JMJD1C: variants seen among roughly 807,000 people sequenced by gnomAD.
The protein encoded by JMJD1C is jumonji domain containing 1C.
JMJD1C carries 31 observed loss-of-function variants against 245.3 expected under a neutral mutation model. The observed-to-expected ratio is 0.13, with a 90% confidence interval of 0.09 to 0.17. The LOEUF (loss-of-function observed/expected upper bound fraction) is 0.17. JMJD1C is among the 10% of genes least tolerant of loss of function. JMJD1C has a pLI of 1.00. For synonymous variants in JMJD1C, 1,057 were observed against 1,017.4 expected (o/e 1.04, Z -0.74); for missense variants, 2,691 against 3,000.2 (o/e 0.90, Z 2.41).
At position 63,189,467 on chromosome 10, in the gene JMJD1C, C is replaced by CA. The variant is rs762867188; in HGVS notation, c.6292-22dup. 2.6e-4 allele frequency: 406 copies of CA among 1,564,606 alleles called. 1 individual carries two copies. Among genetic ancestry groups the CA allele is most frequent in the Non-Finnish European group, 3.2e-4 (373 of 1,162,452 alleles). On this transcript the variant is annotated intron_variant, in intron 17 of 25. Coordinates refer to ENST00000399262, the MANE Select transcript of JMJD1C (RefSeq NM_032776.3). Reference sequence around the variant, plus strand: ...CTACTCTATTAAGGAAAAAACAAAACAAAAAAAACCTGTTTTTGAGAGAAA... The same window carrying CA: ...CTACTCTATTAAGGAAAAAACAAAACAAAAAAAAACCTGTTTTTGAGAGAAA...
rs201686311 is a variant in JMJD1C, at chr10:63,207,172, G to A, written c.4497C>T (p.Ala1499=). 1.4e-4 allele frequency: 226 copies of A among 1,613,968 alleles called. No individual in the cohort carries two copies. The highest frequency in any genetic ancestry group is 8.6e-5 in the Non-Finnish European group (101 of 1,179,988). The change falls in exon 10 of 26, where the codon GCC becomes GCT. Residue 1499 remains alanine, a synonymous_variant. Coordinates refer to ENST00000399262, the MANE Select transcript of JMJD1C (RefSeq NM_032776.3). Reference sequence around the variant, plus strand: ...TTATAGCATTAGGTTCAGTCTCACTGGCATTACTACTTTTATACTGAGCTG... The same window carrying A: ...TTATAGCATTAGGTTCAGTCTCACTAGCATTACTACTTTTATACTGAGCTG... ...LAAAQYKSSN[A]SETEPNAIKN... is the part of the protein sequence containing the mutation.
At chr10:63,472,842 G>T (rs1953534937) in intron 1 of JMJD1C, among the ~76,000 whole-genome samples, 1 of 151,862 alleles carries the variant, frequency 6.6e-6, no homozygotes, top group African/African-American at 2.4e-5. Context: ...GGAGTGCAGT[G>T]GCGCGATCAT....
chr10:63,181,948 G>A (rs1386754543), intron 22 of JMJD1C, among the ~76,000 whole-genome samples: 1 of 152,174 alleles, frequency 6.6e-6, no homozygotes, highest in East Asian at 1.9e-4. Flanking sequence ...CTGGGGGATA[G>A]GGGTGGTTAC....
intron 1 of JMJD1C, among the ~76,000 whole-genome samples, chr10:63,439,799 G>A (rs1951262537): frequency 6.6e-6 from 1 of 152,102 alleles, no homozygotes; most frequent in Admixed American, 6.5e-5. Context: ...TCACTTCACT[G>A]ACATATATAC....
At chr10:63,316,539 C>G (rs188137029) in intron 2 of JMJD1C, among the ~76,000 whole-genome samples, 1 of 152,088 alleles carries the variant, frequency 6.6e-6, no homozygotes, top group Non-Finnish European at 1.5e-5. Flanking sequence ...CTTCCGCCTC[C>G]TGTGTTCAAG....
chr10:63,459,651 A>G (rs1952648723), intron 1 of JMJD1C, among the ~76,000 whole-genome samples: 1 of 152,236 alleles, frequency 6.6e-6, no homozygotes, highest in Non-Finnish European at 1.5e-5. Flanking sequence ...TTATACAAAA[A>G]TCAGTATGAC....
At chr10:63,190,859 G>T in intron 17 of JMJD1C, 35 bp downstream of exon 17, 1 of 1,532,142 alleles carries the variant, frequency 6.5e-7, no homozygotes, top group Non-Finnish European at 9.0e-7. Flanking sequence ...TCTATTTAAG[G>T]CCCACATTAA....
chr10:63,303,950 G>A (rs1168254389), intron 2 of JMJD1C, among the ~76,000 whole-genome samples: 1 of 152,068 alleles, frequency 6.6e-6, no homozygotes, highest in Non-Finnish European at 1.5e-5. Flanking sequence ...AGTTTCAGAA[G>A]GAATAGTAAG....
chr10:63,448,275 GCCT>G (rs1250262569), intron 1 of JMJD1C, among the ~76,000 whole-genome samples: 6 of 152,034 alleles, frequency 3.9e-5, no homozygotes, highest in African/African-American at 1.5e-4. Flanking sequence ...TCTTGCCTCA[GCCT>G]CTCAAGTAGC....
At chr10:63,432,447 T>C (rs1950814484) in intron 1 of JMJD1C, among the ~76,000 whole-genome samples, 1 of 152,134 alleles carries the variant, frequency 6.6e-6, no homozygotes, top group African/African-American at 2.4e-5. Context: ...CCATTGTGTG[T>C]GTGTGACACT....
At chr10:63,467,104 G>A (rs2133135558), upstream of JMJD1C, among the ~76,000 whole-genome samples, 1 of 152,232 alleles carries the variant, frequency 6.6e-6, no homozygotes, top group Middle Eastern at 3.4e-3. Context: ...CTCAAGCTGG[G>A]CAATTTGAAG....
At chr10:63,333,372 G>A (rs1358623501) in intron 2 of JMJD1C, among the ~76,000 whole-genome samples, 1 of 152,014 alleles carries the variant, frequency 6.6e-6, no homozygotes, top group African/African-American at 2.4e-5. Context: ...TCAGGCAACA[G>A]GGCGCAACCT....
chr10:63,246,756 C>A (rs1387945584), intron 3 of JMJD1C, among the ~76,000 whole-genome samples: 2 of 151,956 alleles, frequency 1.3e-5, no homozygotes, highest in African/African-American at 4.8e-5. Flanking sequence ...TCTTTTCTGA[C>A]CACAACAGAA....
chr10:63,426,656 G>A (rs890389164), intron 1 of JMJD1C, among the ~76,000 whole-genome samples: 3 of 151,550 alleles, frequency 2.0e-5, no homozygotes, highest in African/African-American at 7.2e-5. Flanking sequence ...GGGAGACTCC[G>A]TCTCAAAAAA....
In JMJD1C at chr10:63,478,729, C is replaced by G. The variant is rs753115231; in HGVS notation, n.113+43009G>C. Among the ~76,000 whole-genome samples, 13 of 152,218 alleles carry G rather than the reference C, an allele frequency of 8.5e-5. No individual in the cohort carries two copies. In the Middle Eastern group the frequency reaches 0.014, roughly 159 times the overall value. ...ACAACATGCAGGAAATACTGGCAAC[C>G]GGGAAGCTCACCTGAGGCTTAGTAT... On this transcript the variant is annotated intron_variant and non_coding_transcript_variant, in intron 1 of 3. Coordinates refer to the JMJD1C transcript ENST00000633035.
chr10:63,190,038 G>GCAT (rs1399385282), intron 17 of JMJD1C, among the ~76,000 whole-genome samples: 1 of 151,562 alleles, frequency 6.6e-6, no homozygotes, highest in Non-Finnish European at 1.5e-5. Context: ...TTACAAGCAT[G>GCAT]CATCACCATG....
intron 24 of JMJD1C, among the ~76,000 whole-genome samples, chr10:63,172,769 T>G (rs1008538906): frequency 6.6e-6 from 1 of 150,504 alleles, no homozygotes; most frequent in Non-Finnish European, 1.5e-5. Flanking sequence ...TACAGATACC[T>G]GACAGAAAAA....
intron 1 of JMJD1C, among the ~76,000 whole-genome samples, chr10:63,423,886 T>G (rs1187246791): frequency 3.3e-5 from 5 of 152,246 alleles, no homozygotes; most frequent in African/African-American, 1.2e-4. Flanking sequence ...TGATTTACAT[T>G]TGCGTAAAGA....
At chr10:63,275,110 G>T (rs1261879525) in intron 2 of JMJD1C, among the ~76,000 whole-genome samples, 1 of 152,106 alleles carries the variant, frequency 6.6e-6, no homozygotes, top group East Asian at 1.9e-4. Flanking sequence ...CATTTTTACA[G>T]ATAAAAAAAT....
Sources: allele counts gnomAD v4.1 joint callset (sites outside exome capture counted in the v4.1 genomes callset), GRCh38; gene constraint gnomAD v4.1.1; transcripts MANE v1.5; gene names NCBI Gene and HGNC (gene_info 2026-07-23, HGNC 2026-07-21).